Variants in GPR39 observed in about 807,000 individuals in gnomAD.
GPR39 encodes the protein zinc sensing receptor.
Under a neutral mutation model 18.4 loss-of-function variants are expected in GPR39, and 23 were observed. The ratio of observed to expected loss-of-function variants is 1.25; its 90% CI spans 0.90 to 1.77. The LOEUF (loss-of-function observed/expected upper bound fraction) is 1.77, where lower values mean the gene tolerates loss of function less well. Ranked by LOEUF, GPR39 falls within the 40% of genes most tolerant of loss-of-function variation. The probability of loss-of-function intolerance (pLI) is 0.00; values close to 1 mark genes in which losing one functional copy is unlikely to be tolerated. For synonymous variants in GPR39, 280 were observed against 257.9 expected (o/e 1.09, Z -0.82); for missense variants, 647 against 602.4 (o/e 1.07, Z -0.78).
chr2:132,541,851 A>G (rs1573656505), intron 1 of GPR39, among the ~76,000 whole-genome samples: 1 of 152,240 alleles, frequency 6.6e-6, no homozygotes, highest in East Asian at 1.9e-4. Flanking sequence ...AACATAGACC[A>G]GGTGCCTTAA....
chr2:132,550,313 C>G (rs571458769), intron 1 of GPR39, among the ~76,000 whole-genome samples: 3 of 152,280 alleles, frequency 2.0e-5, no homozygotes, highest in East Asian at 3.9e-4. Flanking sequence ...TTGGATCAGT[C>G]CCCCCAGGGC....
At chr2:132,616,891 C>T (rs535953285) in intron 1 of GPR39, among the ~76,000 whole-genome samples, 3 of 152,334 alleles carry the variant, frequency 2.0e-5, no homozygotes, top group Admixed American at 6.5e-5. Flanking sequence ...CAATGCCCCG[C>T]TCCCGCCACG....
chr2:132,610,979 A>G (rs1681230159), intron 1 of GPR39, among the ~76,000 whole-genome samples: 1 of 151,976 alleles, frequency 6.6e-6, no homozygotes, highest in African/African-American at 2.4e-5. Flanking sequence ...TTCCACCTTC[A>G]TTTCATTGGT....
chr2:132,512,096 T>C (rs1180452712), intron 1 of GPR39, among the ~76,000 whole-genome samples: 1 of 152,220 alleles, frequency 6.6e-6, no homozygotes, highest in Non-Finnish European at 1.5e-5. Context: ...GGTGTTAGGC[T>C]GTACCTTGGC....
chr2:132,584,151 G>A (rs1680679742), intron 1 of GPR39, among the ~76,000 whole-genome samples: 1 of 152,108 alleles, frequency 6.6e-6, no homozygotes, highest in African/African-American at 2.4e-5. Flanking sequence ...TACCCATGCG[G>A]CAGAGACCAG....
At chr2:132,551,167 C>G (rs1250846304) in intron 1 of GPR39, among the ~76,000 whole-genome samples, 1 of 152,176 alleles carries the variant, frequency 6.6e-6, no homozygotes. Flanking sequence ...GTCTGATTAT[C>G]TCAGCCTTTG....
intron 1 of GPR39, among the ~76,000 whole-genome samples, chr2:132,597,164 A>C (rs1680963273): frequency 6.6e-6 from 1 of 152,126 alleles, no homozygotes; most frequent in Non-Finnish European, 1.5e-5. Flanking sequence ...ACAGCCAAGG[A>C]CTGGAGCTTC....
rs546383461 is a variant in GPR39, at chr2:132,488,368, CAAAA to C, written c.856+70476_856+70479del. On this transcript the variant is annotated intron_variant, in intron 1 of 1. Coordinates refer to ENST00000329321, the MANE Select transcript of GPR39 (RefSeq NM_001508.3). ...AAGAGGCATATTTAGGTAAAAATAA[CAAAA>C]AAAAACCCTTGCTGCATAGATATTG... Among the ~76,000 whole-genome samples the C allele has an allele frequency of 2.0e-3, 299 of 150,992 alleles. 1 individual carries two copies. Among genetic ancestry groups the C allele is most frequent in the African/African-American group, 6.6e-3 (271 of 41,164 alleles).
chr2:132,427,203 C>T (rs376909701), intron 1 of GPR39, among the ~76,000 whole-genome samples: 4 of 137,456 alleles, frequency 2.9e-5, no homozygotes, highest in Admixed American at 7.4e-5. Flanking sequence ...CTTGCTCCGT[C>T]GCCCAGGCTG....
chr2:132,521,781 C>T (rs1290417645), intron 1 of GPR39, among the ~76,000 whole-genome samples: 1 of 152,124 alleles, frequency 6.6e-6, no homozygotes, highest in Non-Finnish European at 1.5e-5. Flanking sequence ...AGAAAACTGG[C>T]AGAATTCCAT....
chr2:132,493,287 C>A (rs553198206), intron 1 of GPR39, among the ~76,000 whole-genome samples: 4 of 144,012 alleles, frequency 2.8e-5, no homozygotes, highest in East Asian at 2.1e-4. Context: ...ACCATATATA[C>A]CATATATATA....
At chr2:132,453,980 A>G (rs1241067063) in intron 1 of GPR39, among the ~76,000 whole-genome samples, 5 of 152,160 alleles carry the variant, frequency 3.3e-5, no homozygotes, top group Non-Finnish European at 5.9e-5. Flanking sequence ...TTTTGGTTCC[A>G]TATGAACTTT....
rs190320962 is a variant in GPR39 at position 132,626,031 on chromosome 2, C to T, written c.857-19070C>T. On this transcript the variant is annotated intron_variant, in intron 1 of 1. Coordinates refer to ENST00000329321, the MANE Select transcript of GPR39 (RefSeq NM_001508.3). ...AGGAGAATGGCGTGAACCTGGGTGG[C>T]GGAGGTTGCAGTGAGCCGAGACCGC... Among the ~76,000 whole-genome samples, 975 of 150,926 alleles carry T rather than the reference C, an allele frequency of 6.5e-3. 9 individuals are homozygous for T. The highest frequency in any genetic ancestry group is 0.022 in the African/African-American group (905 of 41,038).
chr2:132,590,770 T>A (rs1680813000), intron 1 of GPR39, among the ~76,000 whole-genome samples: 1 of 151,906 alleles, frequency 6.6e-6, no homozygotes, highest in South Asian at 2.1e-4. Flanking sequence ...TTGTGGTGGT[T>A]AATATTGAGT....
Position 132,646,053 on chromosome 2 carries a change from G to C in GPR39, c.*447G>C, listed in dbSNP as rs1682054945. 1 of 1,568,692 alleles carries C rather than the reference G, an allele frequency of 6.4e-7. No homozygotes were observed. The highest frequency in any genetic ancestry group is 1.8e-5 in the Admixed American group (1 of 55,042). Reference sequence around the variant, plus strand: ...TGGCATCTCCTTCAGCTTCAGCAGTGTGCCGAGAAGAGGGCTAATTTGAGG... The same window carrying C: ...TGGCATCTCCTTCAGCTTCAGCAGTCTGCCGAGAAGAGGGCTAATTTGAGG... On this transcript the variant is annotated 3_prime_UTR_variant, in exon 2 of 2. Transcript: ENST00000329321.
intron 1 of GPR39, among the ~76,000 whole-genome samples, chr2:132,638,688 G>A (rs1463820270): frequency 2.0e-5 from 3 of 152,214 alleles, no homozygotes; most frequent in Non-Finnish European, 4.4e-5. Flanking sequence ...CATATAAATT[G>A]AGAAAGTGCT....
chr2:132,511,260 T>A (rs1479698061), intron 1 of GPR39, among the ~76,000 whole-genome samples: 1 of 152,228 alleles, frequency 6.6e-6, no homozygotes, highest in African/African-American at 2.4e-5. Flanking sequence ...CTTTGGAATT[T>A]ATTGCCAACA....
rs1004779751 is a variant in GPR39, at chr2:132,645,623, C to G, written c.*17C>G. ...GAAGTTTGAATGTCAAGCGAGGGAG[C>G]CTTGAGTGGGAACTGGCCCTCCAGC... On this transcript the variant is annotated 3_prime_UTR_variant, in exon 2 of 2. Transcript: ENST00000329321. The G allele has an allele frequency of 6.3e-7, 1 of 1,599,708 alleles. No homozygotes were observed. Among genetic ancestry groups the G allele is most frequent in the Non-Finnish European group, 8.5e-7 (1 of 1,172,862 alleles).
chr2:132,477,250 C>A (rs1396539802), intron 1 of GPR39, among the ~76,000 whole-genome samples: 1 of 152,080 alleles, frequency 6.6e-6, no homozygotes. Flanking sequence ...AGAGGAGGCG[C>A]CTGAACAGGA....
Sources: allele counts gnomAD v4.1 joint callset (sites outside exome capture counted in the v4.1 genomes callset), GRCh38; gene constraint gnomAD v4.1.1; transcripts MANE v1.5; gene names NCBI Gene and HGNC (gene_info 2026-07-23, HGNC 2026-07-21).